The following MTBP variants were observed in gnomAD, a reference collection of about 807,000 sequenced individuals.
MTBP encodes the protein MDM2 binding protein.
MTBP carries 101 observed loss-of-function variants against 117.0 expected under a neutral mutation model. The observed-to-expected ratio is 0.86, with a 90% CI of 0.73 to 1.02. MTBP has a LOEUF of 1.02. Ranked by LOEUF, MTBP falls within the 50% of genes least tolerant of loss-of-function variation. The probability of loss-of-function intolerance (pLI) is 0.00; values close to 1 mark genes in which losing one functional copy is unlikely to be tolerated. For synonymous variants in MTBP, 350 were observed against 351.5 expected (o/e 1.00, Z 0.05); for missense variants, 970 against 1,030.9 (o/e 0.94, Z 0.81).
At chr8:120,495,466 T>C (rs924595492) in intron 13 of MTBP, among the ~76,000 whole-genome samples, 6 of 152,152 alleles carry the variant, frequency 3.9e-5, no homozygotes, top group African/African-American at 1.4e-4. Flanking sequence ...GTGTAGTTGA[T>C]TGGCAATTTA....
At chr8:120,516,379 G>A (rs1389256233) in intron 18 of MTBP, among the ~76,000 whole-genome samples, 188 bp downstream of exon 18, 1 of 151,926 alleles carries the variant, frequency 6.6e-6, no homozygotes, top group Admixed American at 6.6e-5. Flanking sequence ...ACAGTTTCTT[G>A]CTTTATATGC....
chr8:120,467,092 A>G (rs190581745), intron 10 of MTBP, among the ~76,000 whole-genome samples: 6 of 152,284 alleles, frequency 3.9e-5, no homozygotes, highest in Admixed American at 3.3e-4. Context: ...TATCTATGTA[A>G]CTATGATTAG....
chr8:120,463,954 T>C (rs1813635252), intron 10 of MTBP, among the ~76,000 whole-genome samples, 193 bp downstream of exon 10: 1 of 152,140 alleles, frequency 6.6e-6, no homozygotes, highest in African/African-American at 2.4e-5. Context: ...GTAAAAGTAC[T>C]CTGCAAACAT....
At chr8:120,517,366 C>G (rs13250378) in intron 18 of MTBP, among the ~76,000 whole-genome samples, 2 of 151,932 alleles carry the variant, frequency 1.3e-5, no homozygotes, top group African/African-American at 4.8e-5. Context: ...AATAGCAGCA[C>G]TCTTGGCATG....
chr8:120,475,386 T>G (rs1813911414), intron 11 of MTBP, among the ~76,000 whole-genome samples: 1 of 152,012 alleles, frequency 6.6e-6, no homozygotes, highest in South Asian at 2.1e-4. Context: ...TAGTAATAAC[T>G]GTTCTCCAGA....
intron 11 of MTBP, among the ~76,000 whole-genome samples, chr8:120,476,028 A>T (rs1461856813): frequency 6.6e-6 from 1 of 152,066 alleles, no homozygotes; most frequent in East Asian, 1.9e-4. Flanking sequence ...AATTGAGAAA[A>T]ATAAGGTAAT....
intron 6 of MTBP, 105 bp downstream of exon 6, chr8:120,455,684 A>T: frequency 8.9e-7 from 1 of 1,123,180 alleles, no homozygotes. Flanking sequence ...TTTTAATATG[A>T]CAACATAAAA....
chr8:120,481,432 A>C (rs536087737), intron 11 of MTBP, among the ~76,000 whole-genome samples: 4 of 132,744 alleles, frequency 3.0e-5, no homozygotes, highest in Non-Finnish European at 6.9e-5. Context: ...AATATTTATC[A>C]TCTGGTGAAG....
intron 15 of MTBP, among the ~76,000 whole-genome samples, chr8:120,503,164 C>T (rs1814618874): frequency 6.6e-6 from 1 of 152,140 alleles, no homozygotes; most frequent in Non-Finnish European, 1.5e-5. Context: ...CGAAATATTA[C>T]AAATCACATT....
chr8:120,446,136 T>C (rs1423184142), intron 1 of MTBP, among the ~76,000 whole-genome samples: 4 of 152,160 alleles, frequency 2.6e-5, no homozygotes, highest in Non-Finnish European at 1.5e-5. Context: ...TTTTGAGGAG[T>C]AAATGTATGT....
intron 11 of MTBP, among the ~76,000 whole-genome samples, chr8:120,483,931 C>G (rs1165690676): frequency 6.6e-6 from 1 of 152,018 alleles, no homozygotes; most frequent in Non-Finnish European, 1.5e-5. Flanking sequence ...ATCTGTTACT[C>G]TCTGTGGCAT....
intron 16 of MTBP, among the ~76,000 whole-genome samples, chr8:120,509,091 C>T (rs1402062001): frequency 2.0e-5 from 3 of 152,154 alleles, no homozygotes; most frequent in African/African-American, 7.2e-5. Flanking sequence ...AGTCTCTATA[C>T]CCTCTGATAT....
At chr8:120,470,970 T>C (rs1197222342) in intron 11 of MTBP, 33 bp downstream of exon 11, 2 of 1,357,432 alleles carry the variant, frequency 1.5e-6, no homozygotes, top group Admixed American at 1.7e-5. Context: ...GTTTTAATGA[T>C]GCAGCATAGT....
intron 7 of MTBP, among the ~76,000 whole-genome samples, chr8:120,457,184 A>G (rs1268608276): frequency 6.6e-6 from 1 of 152,132 alleles, no homozygotes. Context: ...AGATTTCTCA[A>G]TTATAAGATG....
rs116926060 is a variant in MTBP at position 120,449,007 on chromosome 8, G to T, written c.200-1996G>T. ...GCAGCCATTAAAAGCTTTAATTAAG[G>T]AGGAGACATGATCAGATCTGTGCTT... On this transcript the variant is annotated intron_variant, in intron 2 of 21. Transcript: ENST00000305949. 1.4e-3 allele frequency among the ~76,000 whole-genome samples: 207 copies of T among 152,236 alleles called. 1 individual carries two copies. In the East Asian group the frequency reaches 0.039, roughly 29 times the overall value.
At chr8:120,466,766 C>CG (rs1813703563) in intron 10 of MTBP, among the ~76,000 whole-genome samples, 1 of 151,762 alleles carries the variant, frequency 6.6e-6, no homozygotes, top group Admixed American at 6.6e-5. Flanking sequence ...CCCAGCTATG[C>CG]GGGAGGCTGA....
At chr8:120,481,660 C>T (rs1438571689) in intron 11 of MTBP, among the ~76,000 whole-genome samples, 2 of 152,146 alleles carry the variant, frequency 1.3e-5, no homozygotes, top group South Asian at 2.1e-4. Context: ...GGGAGATTGA[C>T]TGCAAAGGTG....
intron 20 of MTBP, among the ~76,000 whole-genome samples, chr8:120,521,829 G>C (rs1459457319): frequency 1.3e-5 from 2 of 151,372 alleles, no homozygotes; most frequent in Non-Finnish European, 2.9e-5. Flanking sequence ...CCATATGTTT[G>C]TTTCTGGAGT....
At chr8:120,496,407 T>C (rs1814458980) in intron 13 of MTBP, among the ~76,000 whole-genome samples, 1 of 152,226 alleles carries the variant, frequency 6.6e-6, no homozygotes, top group South Asian at 2.1e-4. Context: ...AAGTTTTGTA[T>C]GCTTACTTCT....
Sources: gnomAD v4.1 joint callset for allele counts (sites outside exome capture counted in the v4.1 genomes callset) on GRCh38, gnomAD v4.1.1 for gene constraint, MANE v1.5 for transcripts, NCBI Gene and HGNC (gene_info 2026-07-23, HGNC 2026-07-21) for gene names.